TMEM132C: variants seen among roughly 807,000 people sequenced by gnomAD.
TMEM132C encodes the protein protein phosphatase 1, regulatory subunit 152.
A neutral mutation model predicts 61.4 loss-of-function variants in TMEM132C; 29 were observed. The observed-to-expected ratio is 0.47, with a 90% CI of 0.35 to 0.64. The LOEUF (loss-of-function observed/expected upper bound fraction) is 0.64. Ranked by LOEUF, TMEM132C falls within the 30% of genes least tolerant of loss-of-function variation. The pLI, the probability that TMEM132C is intolerant of heterozygous loss-of-function variation, is 0.00. For synonymous variants in TMEM132C, 656 were observed against 633.1 expected (o/e 1.04, Z -0.54); for missense variants, 1,408 against 1,476.9 (o/e 0.95, Z 0.76).
intron 5 of TMEM132C, among the ~76,000 whole-genome samples, chr12:128,692,264 A>G (rs1024505182): frequency 1.3e-5 from 2 of 152,192 alleles, no homozygotes; most frequent in South Asian, 2.1e-4. Context: ...CCATCTGTTC[A>G]TCTGTCTATC....
At chr12:128,333,012 A>T (rs1370740288) in intron 1 of TMEM132C, among the ~76,000 whole-genome samples, 2 of 152,138 alleles carry the variant, frequency 1.3e-5, no homozygotes, top group Non-Finnish European at 2.9e-5. Flanking sequence ...TAAGGTTTAG[A>T]TGCCTTACTG....
chr12:128,313,050 A>G (rs544479061), intron 1 of TMEM132C, among the ~76,000 whole-genome samples: 9 of 152,236 alleles, frequency 5.9e-5, no homozygotes, highest in Non-Finnish European at 1.2e-4. Context: ...GAGAGGCAAC[A>G]TAACAAGCTT....
chr12:128,598,351 G>T (rs1028629032), intron 3 of TMEM132C, among the ~76,000 whole-genome samples: 1 of 152,090 alleles, frequency 6.6e-6, no homozygotes, highest in African/African-American at 2.4e-5. Context: ...CAGGAGAATC[G>T]CTTGAACCTG....
At chr12:128,361,054 A>G (rs926160384) in intron 1 of TMEM132C, among the ~76,000 whole-genome samples, 5 of 152,208 alleles carry the variant, frequency 3.3e-5, no homozygotes, top group Non-Finnish European at 7.3e-5. Flanking sequence ...GTTTGTGTTT[A>G]TGAAGCTCAT....
chr12:128,706,037 C>T lies in TMEM132C; in HGVS notation c.3069C>T (p.Ser1023=). Reference sequence around the variant, plus strand: ...GTGGCTCCCACAAGCACGTGCAGAGCCAGATTCACAGGTCAGCCGACTCCG... The same window carrying T: ...GTGGCTCCCACAAGCACGTGCAGAGTCAGATTCACAGGTCAGCCGACTCCG... The part of the protein sequence containing the change: ...LNGGSHKHVQ[S]QIHRSADSGG... Residue 1023 remains serine (S), a synonymous_variant, in exon 9 of 9, where the codon AGC becomes AGT. Coordinates refer to ENST00000435159, the MANE Select transcript of TMEM132C (RefSeq NM_001136103.3). 6.4e-7 allele frequency: 1 copy of T among 1,551,698 alleles called. No individual in the cohort carries two copies. The highest frequency in any genetic ancestry group is 1.4e-5 in the African/African-American group (1 of 73,160).
At chr12:128,478,938 A>C (rs1871240616) in intron 2 of TMEM132C, among the ~76,000 whole-genome samples, 1 of 152,214 alleles carries the variant, frequency 6.6e-6, no homozygotes, top group Non-Finnish European at 1.5e-5. Flanking sequence ...AAAGTTAAGA[A>C]GAGAGAGACC....
At chr12:128,437,831 T>G (rs1869652336) in intron 2 of TMEM132C, 1 of 152,260 alleles carries the variant, frequency 6.6e-6, no homozygotes, top group Admixed American at 6.5e-5. Flanking sequence ...GCAATCTGTT[T>G]CTGATATTTT....
Position 128,270,928 on chromosome 12 carries a change from A to AT in TMEM132C, c.85+3451dup, listed in dbSNP as rs928659498. The stretch of plus-strand genomic sequence containing the variant: ...AGACAAGTACTGTTTTATCCATACA[A>AT]TTTTTTTTTTCAAAGGCTCCCAACA... On this transcript the variant is annotated intron_variant, in intron 1 of 8. Coordinates refer to ENST00000435159, the MANE Select transcript of TMEM132C (RefSeq NM_001136103.3). 4.7e-3 allele frequency among the ~76,000 whole-genome samples: 697 copies of AT among 149,682 alleles called. 2 individuals carry two copies. Among genetic ancestry groups the AT allele is most frequent in the African/African-American group, 0.016 (649 of 40,838 alleles).
At chr12:128,331,856 C>T (rs1308303385) in intron 1 of TMEM132C, among the ~76,000 whole-genome samples, 4 of 152,134 alleles carry the variant, frequency 2.6e-5, no homozygotes, top group African/African-American at 7.2e-5. Flanking sequence ...TACTGTTTTT[C>T]GTAGAAGTTG....
At chr12:128,451,758 C>G (rs556555699) in intron 2 of TMEM132C, among the ~76,000 whole-genome samples, 7 of 152,172 alleles carry the variant, frequency 4.6e-5, no homozygotes, top group South Asian at 2.1e-4. Context: ...CTTTGTGCCA[C>G]AAGTCATTAA....
Position 128,573,996 on chromosome 12 carries a change from C to G in TMEM132C, c.1121+29893C>G, listed in dbSNP as rs189448460. Among the ~76,000 whole-genome samples the G allele has an allele frequency of 1.9e-3, 285 of 151,846 alleles. 2 individuals are homozygous for G. The highest frequency in any genetic ancestry group is 3.2e-3 in the Non-Finnish European group (220 of 67,978). ...AGGTTTCCCCAAGGAAAACTGGATGCTGTTATTGGAAAAACAGAATACATG... is the reference window on the plus strand; with the variant it reads ...AGGTTTCCCCAAGGAAAACTGGATGGTGTTATTGGAAAAACAGAATACATG... On this transcript the variant is annotated intron_variant, in intron 3 of 8. Transcript: ENST00000435159.
intron 4 of TMEM132C, among the ~76,000 whole-genome samples, chr12:128,636,615 A>G (rs745732746): frequency 4.7e-5 from 7 of 149,266 alleles, no homozygotes; most frequent in African/African-American, 1.8e-4. Context: ...TATTAAGAAC[A>G]CTTAACATGA....
intron 2 of TMEM132C, among the ~76,000 whole-genome samples, chr12:128,444,127 C>T (rs753370566): frequency 2.6e-5 from 4 of 152,108 alleles, no homozygotes; most frequent in Non-Finnish European, 4.4e-5. Flanking sequence ...GCTGTGTTGC[C>T]CAGACTGGTC....
intron 1 of TMEM132C, among the ~76,000 whole-genome samples, chr12:128,283,954 G>T (rs973828095): frequency 6.6e-6 from 1 of 152,176 alleles, no homozygotes; most frequent in Non-Finnish European, 1.5e-5. Flanking sequence ...AGGAAGAGGG[G>T]CAGCATCCAG....
At chr12:128,656,213 G>T (rs1259471854) in intron 4 of TMEM132C, among the ~76,000 whole-genome samples, 2 of 152,192 alleles carry the variant, frequency 1.3e-5, no homozygotes, top group Admixed American at 6.5e-5. Context: ...ACCACACCCG[G>T]CTAATTTTTA....
chr12:128,320,852 T>G (rs1872307645), intron 1 of TMEM132C, among the ~76,000 whole-genome samples: 1 of 151,366 alleles, frequency 6.6e-6, no homozygotes, highest in African/African-American at 2.4e-5. Flanking sequence ...TATCAACATT[T>G]AATAATAAAG....
At chr12:128,416,391 T>C (rs545090059) in intron 2 of TMEM132C, among the ~76,000 whole-genome samples, 1 of 152,320 alleles carries the variant, frequency 6.6e-6, no homozygotes, top group East Asian at 1.9e-4. Context: ...CCTCTTACAA[T>C]GTGTACTAGA....
chr12:128,426,149 C>A (rs1304556084), intron 2 of TMEM132C, among the ~76,000 whole-genome samples: 1 of 152,236 alleles, frequency 6.6e-6, no homozygotes, highest in Non-Finnish European at 1.5e-5. Flanking sequence ...TGGACCTTCG[C>A]CACGTGGAGA....
intron 3 of TMEM132C, among the ~76,000 whole-genome samples, chr12:128,582,067 A>C (rs11610174): frequency 0.38 from 57,254 of 152,126 alleles, 13,066 homozygotes; most frequent in South Asian, 0.58. Flanking sequence ...GACTGCATGG[A>C]CTTCTCGAGG....
Sources: gnomAD v4.1 joint callset for allele counts (sites outside exome capture counted in the v4.1 genomes callset) on GRCh38, gnomAD v4.1.1 for gene constraint, MANE v1.5 for transcripts, NCBI Gene and HGNC (gene_info 2026-07-23, HGNC 2026-07-21) for gene names.